Variants in CDKL5 observed in about 807,000 individuals in gnomAD.
CDKL5 encodes the protein cyclin-dependent kinase-like 5.
In CDKL5, 8 loss-of-function variants were observed where a neutral mutation model predicts 61.7. The ratio of observed to expected loss-of-function variants is 0.13; its 90% CI spans 0.08 to 0.23. The LOEUF (loss-of-function observed/expected upper bound fraction) is 0.23. Ranked by LOEUF, CDKL5 falls within the 10% of genes least tolerant of loss-of-function variation. The pLI is 1.00. For missense variants in CDKL5, 440 were observed against 734.5 expected, an observed-to-expected ratio of 0.60 and a Z score of 4.63; for synonymous variants, 275 against 272.3, an observed-to-expected ratio of 1.01 and a Z score of -0.10.
chrX:18,618,914 A>T (rs889914972), intron 15 of CDKL5, among the ~76,000 whole-genome samples: 2 of 111,344 alleles, frequency 1.8e-5, no homozygotes, highest in Non-Finnish European at 3.8e-5. Flanking sequence ...GGTTGCAGTG[A>T]GCCAAAATCG....
In CDKL5 at chrX:18,598,482, A is replaced by G. The variant is rs773523708; in HGVS notation, c.846A>G (p.Pro282=). ...DLMKNLLKLD[P]ADRYLTEQCL... is the part of the protein sequence containing the mutation. Reference sequence around the variant, plus strand: ...CTAAGAATTTACTGAAGTTGGACCCAGCTGACAGATACTTGACAGAACAGT... The same window carrying G: ...CTAAGAATTTACTGAAGTTGGACCCGGCTGACAGATACTTGACAGAACAGT... The change falls in exon 11 of 18, where the codon CCA becomes CCG. Residue 282 remains proline, a synonymous_variant. Transcript: ENST00000623535. The G allele has an allele frequency of 3.3e-6, 4 of 1,208,291 alleles. No homozygotes were observed. The highest frequency in any genetic ancestry group is 4.5e-6 in the Non-Finnish European group (4 of 892,057).
chrX:18,573,402 G>A (rs920486907), intron 4 of CDKL5, among the ~76,000 whole-genome samples: 5 of 111,927 alleles, frequency 4.5e-5, no homozygotes, highest in African/African-American at 3.2e-5. Context: ...GGAAACTGCC[G>A]GTGTTCCTGT....
chrX:18,508,752 T>G (rs1322074412), intron 2 of CDKL5, among the ~76,000 whole-genome samples: 2 of 110,013 alleles, frequency 1.8e-5, no homozygotes, highest in African/African-American at 6.6e-5. Flanking sequence ...GTTTCTTTCT[T>G]TGGAAAGCAC....
intron 1 of CDKL5, among the ~76,000 whole-genome samples, chrX:18,469,221 C>T (rs1469550906): frequency 9.5e-6 from 1 of 104,974 alleles, no homozygotes; most frequent in East Asian, 3.0e-4. Flanking sequence ...CACCTGTAGT[C>T]CCAGCTACTT....
In CDKL5 at chrX:18,540,270, G is replaced by A. The variant is rs189129152; in HGVS notation, c.100-24207G>A. Among the ~76,000 whole-genome samples the A allele has an allele frequency of 4.3e-3, 476 of 110,738 alleles. 2 individuals are homozygous for A. Among genetic ancestry groups the A allele is most frequent in the Middle Eastern group, 0.042 (9 of 216 alleles). The stretch of plus-strand genomic sequence containing the variant: ...GCTCACTGTAGCCTTGTGACTTCCC[G>A]GGCTCAAGCGATTCTCCTACCTCAG... On this transcript the variant is annotated intron_variant, in intron 3 of 17. Transcript: ENST00000623535.
intron 1 of CDKL5, among the ~76,000 whole-genome samples, chrX:18,471,532 C>T (rs1447616654): frequency 9.1e-6 from 1 of 109,531 alleles, no homozygotes; most frequent in African/African-American, 3.3e-5. Context: ...ATTGCCACAC[C>T]CAGCTAATGT....
intron 1 of CDKL5, among the ~76,000 whole-genome samples, chrX:18,501,566 T>A (rs1346030430): frequency 9.0e-6 from 1 of 111,515 alleles, no homozygotes; most frequent in African/African-American, 3.3e-5. Flanking sequence ...TTTTTATTTT[T>A]TTGAGACAGT....
At chrX:18,491,239 A>T (rs1921985530) in intron 1 of CDKL5, among the ~76,000 whole-genome samples, 1 of 112,208 alleles carries the variant, frequency 8.9e-6, no homozygotes, top group African/African-American at 3.2e-5. Flanking sequence ...AGGAATTGAC[A>T]TTTATTTATT....
At chrX:18,499,713 A>G (rs1017102114) in intron 1 of CDKL5, among the ~76,000 whole-genome samples, 4 of 111,522 alleles carry the variant, frequency 3.6e-5, no homozygotes, top group South Asian at 3.7e-4. Context: ...TTTGTAGGCT[A>G]TTGCTGATCA....
Position 18,653,492 on chromosome X carries a change from A to G in CDKL5, c.3041A>G (p.Asn1014Ser), listed in dbSNP as rs1928137395. Residue 1014 changes from asparagine (N) to serine (S), a missense_variant, in exon 22 of 22, where the codon AAC becomes AGC. By Grantham distance (46) the Asn-to-Ser change is conservative (BLOSUM62 1). Transcript: ENST00000379989. ...GCCCTGATTCACAGGGCCCAGGTAAACCAAGCTGCGCTCCTGACATACCAT... is the reference window on the plus strand; with the variant it reads ...GCCCTGATTCACAGGGCCCAGGTAAGCCAAGCTGCGCTCCTGACATACCAT... 6 of 1,211,582 alleles carry G rather than the reference A, an allele frequency of 5.0e-6. No individual in the cohort carries two copies. The highest frequency in any genetic ancestry group is 6.7e-6 in the Non-Finnish European group (6 of 895,527).
Position 18,636,772 on chromosome X carries a change from G to T in CDKL5, c.*8015G>T, listed in dbSNP as rs1927400615. 1 of 112,223 alleles carries T rather than the reference G, an allele frequency of 8.9e-6. No homozygotes were observed. The highest frequency in any genetic ancestry group is 1.9e-5 in the Non-Finnish European group (1 of 53,279). 9.2% of individuals were successfully genotyped at this position (112,223 alleles called of 1,213,427 possible). A position where few individuals can be genotyped will look rare whatever the true frequency, so the allele number is the denominator to read the frequency against. ...AGACTTAGAAATGGCTATCTACACT[G>T]ATGGAATAAGTATACTAATTAGAGC... On this transcript the variant is annotated 3_prime_UTR_variant, in exon 18 of 18. Transcript: ENST00000623535.
At chrX:18,461,460 A>C (rs1395078173) in intron 1 of CDKL5, among the ~76,000 whole-genome samples, 1 of 112,209 alleles carries the variant, frequency 8.9e-6, no homozygotes, top group Admixed American at 9.5e-5. Context: ...TATCATTCAA[A>C]AGACCTTAAA....
intron 15 of CDKL5, among the ~76,000 whole-genome samples, chrX:18,614,793 T>A (rs1926667452): frequency 8.9e-6 from 1 of 112,400 alleles, no homozygotes; most frequent in South Asian, 3.6e-4. Flanking sequence ...GTGGCTTTGA[T>A]AAGTCATGAC....
At chrX:18,595,513 A>G in intron 10 of CDKL5, 85 bp downstream of exon 10, 1 of 614,012 alleles carries the variant, frequency 1.6e-6, no homozygotes, top group Non-Finnish European at 2.8e-6. Context: ...GCCTGCTTTT[A>G]TGAATGAAAT....
chrX:18,525,131 G>T (rs767157437), intron 3 of CDKL5, among the ~76,000 whole-genome samples: 7 of 111,123 alleles, frequency 6.3e-5, no homozygotes, highest in Non-Finnish European at 1.3e-4. Context: ...ATGGAGTCTC[G>T]CTCTGTCACC....
intron 1 of CDKL5, among the ~76,000 whole-genome samples, chrX:18,438,061 TTTTC>T (rs1569182652): frequency 9.0e-6 from 1 of 111,697 alleles, no homozygotes; most frequent in Non-Finnish European, 1.9e-5. Flanking sequence ...CCATGAGTTA[TTTTC>T]TTTCTTTTCT....
intron 1 of CDKL5, among the ~76,000 whole-genome samples, chrX:18,503,411 T>A (rs1422221131): frequency 8.9e-6 from 1 of 112,092 alleles, no homozygotes; most frequent in Admixed American, 9.5e-5. Flanking sequence ...CTCGAACTCG[T>A]GAGCTCAAGC....
chrX:18,583,579 A>T lies in CDKL5; in HGVS notation c.464-684A>T, dbSNP rs746764354. On this transcript the variant is annotated intron_variant, in intron 7 of 17. Transcript: ENST00000623535. The stretch of plus-strand genomic sequence containing the variant: ...ATGTTCTGATTCTCTATAACTATTC[A>T]CAGTGAACCTATGTTGTGTTTGGTG... Among the ~76,000 whole-genome samples, 3 of 111,900 alleles carry T rather than the reference A, an allele frequency of 2.7e-5. No individual in the cohort carries two copies. In the South Asian group the frequency reaches 1.1e-3, roughly 42 times the overall value.
In CDKL5 at chrX:18,632,138, C is replaced by T. The variant is rs1486802506; in HGVS notation, c.*3381C>T. On this transcript the variant is annotated 3_prime_UTR_variant, in exon 18 of 18. Transcript: ENST00000623535. ...ATCCCAAGCCCACCAGTCTGCAGAG[C>T]TTGGCTCTGGCCTTGTTCTGTCCAG... 1 of 752,837 alleles carries T rather than the reference C, an allele frequency of 1.3e-6. No homozygotes were observed. The highest frequency in any genetic ancestry group is 1.6e-6 in the Non-Finnish European group (1 of 638,990). The allele number at this position is 752,837 out of a possible 1,213,427, so 62.0% of individuals were successfully genotyped here.
Sources: gnomAD v4.1 joint callset for allele counts (sites outside exome capture counted in the v4.1 genomes callset) on GRCh38, gnomAD v4.1.1 for gene constraint, MANE v1.5 for transcripts, NCBI Gene and HGNC (gene_info 2026-07-23, HGNC 2026-07-21) for gene names.